CCSER1: variants seen among roughly 807,000 people sequenced by gnomAD.
The protein encoded by CCSER1 is coiled-coil serine rich protein 1.
In CCSER1, 41 loss-of-function variants were observed where a neutral mutation model predicts 82.0. The ratio of observed to expected loss-of-function variants is 0.50; its 90% CI spans 0.39 to 0.65. CCSER1 has a LOEUF of 0.65. Ranked by LOEUF, CCSER1 falls within the 30% of genes least tolerant of loss-of-function variation. The pLI is 0.00. For synonymous variants in CCSER1, 414 were observed against 383.9 expected (o/e 1.08, Z -0.92); for missense variants, 1,119 against 1,064.2 (o/e 1.05, Z -0.72).
At chr4:91,027,529 C>T (rs1424133011) in intron 9 of CCSER1, among the ~76,000 whole-genome samples, 4 of 151,992 alleles carry the variant, frequency 2.6e-5, no homozygotes, top group Non-Finnish European at 2.9e-5. Flanking sequence ...TATATCTATA[C>T]TGATGAAGTG....
chr4:90,202,770 G>A (rs1334036291), intron 1 of CCSER1, among the ~76,000 whole-genome samples: 1 of 152,192 alleles, frequency 6.6e-6, no homozygotes, highest in Non-Finnish European at 1.5e-5. Flanking sequence ...TTTAGGTGAT[G>A]AGATTTATTC....
intron 7 of CCSER1, among the ~76,000 whole-genome samples, chr4:90,743,841 T>C (rs994318141): frequency 2.0e-5 from 3 of 152,324 alleles, no homozygotes; most frequent in Admixed American, 2.0e-4. Flanking sequence ...TTTTTGGTAA[T>C]AATGCCCACA....
rs1007987913 is a variant in CCSER1 at position 91,604,198 on chromosome 4, C to G, written c.*5141C>G. 3 of 151,908 alleles carry G rather than the reference C, an allele frequency of 2.0e-5. No homozygotes were observed. Among genetic ancestry groups the G allele is most frequent in the African/African-American group, 4.8e-5 (2 of 41,360 alleles). The allele number at this position is 151,908 out of a possible 1,614,324, so 9.4% of individuals were successfully genotyped here. On this transcript the variant is annotated 3_prime_UTR_variant, in exon 11 of 11. Transcript: ENST00000509176. Reference sequence around the variant, plus strand: ...TTTTAATTAAATTGGATTTAATAACCCTTGAACTTTCCATTTATATCATGC... The same window carrying G: ...TTTTAATTAAATTGGATTTAATAACGCTTGAACTTTCCATTTATATCATGC...
Position 90,309,070 on chromosome 4 carries a change from C to T in CCSER1, c.786C>T (p.Ala262=). Residue 262 remains alanine, a synonymous_variant, in exon 2 of 11, where the codon GCC becomes GCT. Transcript: ENST00000509176. ...CTCAGACACCTTCAGAATTTTTAGC[C>T]TTGACTGAAGATTCTGTGTCTGAAA... is the stretch of plus-strand genomic sequence containing the variant. ...TTAQTPSEFL[A]LTEDSVSEMD... The T allele has an allele frequency of 6.2e-7, 1 of 1,613,846 alleles. No homozygotes were observed. Among genetic ancestry groups the T allele is most frequent in the Non-Finnish European group, 8.5e-7 (1 of 1,179,844 alleles).
intron 10 of CCSER1, among the ~76,000 whole-genome samples, chr4:91,123,492 G>A (rs926062170): frequency 6.6e-6 from 1 of 151,666 alleles, no homozygotes; most frequent in South Asian, 2.1e-4. Context: ...AAGGCTCCAT[G>A]TTATAGCTGC....
rs571745882 is a variant in CCSER1, at chr4:91,235,159, T to C, written c.2217+149165T>C. Among the ~76,000 whole-genome samples, 17 of 152,272 alleles carry C rather than the reference T, an allele frequency of 1.1e-4. No individual in the cohort carries two copies. In the South Asian group the frequency reaches 3.3e-3, roughly 30 times the overall value. On this transcript the variant is annotated intron_variant, in intron 10 of 10. Transcript: ENST00000509176. ...TATAAATTCTTATTTTCCTCTTTTG[T>C]CTGAGATATTGTATTCCTAAAATCT...
intron 5 of CCSER1, among the ~76,000 whole-genome samples, chr4:90,602,495 C>G (rs1441356753): frequency 6.6e-6 from 1 of 152,100 alleles, no homozygotes; most frequent in Non-Finnish European, 1.5e-5. Flanking sequence ...CTGTCTCATT[C>G]ACCCAATATC....
chr4:90,811,239 A>C (rs17187375), intron 7 of CCSER1, among the ~76,000 whole-genome samples: 1 of 152,172 alleles, frequency 6.6e-6, no homozygotes, highest in South Asian at 2.1e-4. Context: ...GCATGTGTAA[A>C]GTGAGGAGAT....
chr4:90,588,875 G>T (rs1359202633), intron 5 of CCSER1, among the ~76,000 whole-genome samples: 1 of 152,136 alleles, frequency 6.6e-6, no homozygotes, highest in Non-Finnish European at 1.5e-5. Context: ...ATGGAACTGT[G>T]AGTCCATTCA....
intron 7 of CCSER1, chr4:90,781,763 A>G (rs974503458): frequency 6.2e-6 from 6 of 965,506 alleles, no homozygotes; most frequent in Middle Eastern, 5.2e-4. Context: ...GTCTTTTGTT[A>G]CTGAAATATT....
At chr4:91,177,208 G>T (rs1315028045) in intron 10 of CCSER1, among the ~76,000 whole-genome samples, 1 of 152,154 alleles carries the variant, frequency 6.6e-6, no homozygotes, top group African/African-American at 2.4e-5. Flanking sequence ...ATGTGCTGCT[G>T]GATTCGGTTT....
chr4:91,303,412 G>A (rs13141326), intron 10 of CCSER1, among the ~76,000 whole-genome samples: 8,464 of 151,954 alleles, frequency 0.056, 315 homozygotes, highest in Middle Eastern at 0.082. Flanking sequence ...TGGAACATAG[G>A]CAAAAAGTAA....
At chr4:91,480,360 C>A (rs1410505768) in intron 10 of CCSER1, among the ~76,000 whole-genome samples, 2 of 152,164 alleles carry the variant, frequency 1.3e-5, no homozygotes, top group Admixed American at 1.3e-4. Context: ...GTCCCACCAA[C>A]AGTGTAAAAG....
chr4:90,231,680 T>C (rs1456950812), intron 1 of CCSER1, among the ~76,000 whole-genome samples: 41 of 151,976 alleles, frequency 2.7e-4, no homozygotes, highest in African/African-American at 9.9e-4. Context: ...GGAAGTCAAA[T>C]TGTCCCTGTT....
intron 5 of CCSER1, among the ~76,000 whole-genome samples, chr4:90,500,100 C>A (rs1289643216): frequency 1.3e-5 from 2 of 152,070 alleles, no homozygotes; most frequent in Non-Finnish European, 1.5e-5. Context: ...TCAATAAAGA[C>A]CCTGGCGTTT....
intron 1 of CCSER1, among the ~76,000 whole-genome samples, chr4:90,250,248 A>T (rs538780472): frequency 2.0e-5 from 3 of 152,126 alleles, no homozygotes; most frequent in Non-Finnish European, 2.9e-5. Context: ...TAATTTATTT[A>T]TATGCTTACT....
intron 3 of CCSER1, among the ~76,000 whole-genome samples, chr4:90,352,197 G>C (rs190117512): frequency 2.6e-5 from 4 of 151,894 alleles, no homozygotes; most frequent in Admixed American, 2.6e-4. Flanking sequence ...GGTGGCGGGC[G>C]CCTGTTGTCC....
At chr4:91,234,422 C>G (rs1037760072) in intron 10 of CCSER1, among the ~76,000 whole-genome samples, 2 of 151,932 alleles carry the variant, frequency 1.3e-5, no homozygotes, top group African/African-American at 4.8e-5. Flanking sequence ...GCAGATAGCT[C>G]AATTAGAGGT....
intron 10 of CCSER1, among the ~76,000 whole-genome samples, chr4:91,267,693 G>A (rs1741711145): frequency 6.6e-6 from 1 of 152,056 alleles, no homozygotes; most frequent in Admixed American, 6.6e-5. Flanking sequence ...ACACTTCAAA[G>A]GGATATAATA....
Sources: gnomAD v4.1 joint callset for allele counts (sites outside exome capture counted in the v4.1 genomes callset) on GRCh38, gnomAD v4.1.1 for gene constraint, MANE v1.5 for transcripts, NCBI Gene and HGNC (gene_info 2026-07-23, HGNC 2026-07-21) for gene names.